Variants in SLC8A1 observed in about 807,000 individuals in gnomAD.
SLC8A1 encodes the protein solute carrier family 8 member A1.
Under a neutral mutation model 68.3 loss-of-function variants are expected in SLC8A1, and 18 were observed. The ratio of observed to expected loss-of-function variants is 0.26; its 90% CI spans 0.18 to 0.39. The LOEUF (loss-of-function observed/expected upper bound fraction) is 0.39, where lower values mean the gene tolerates loss of function less well. Ranked by LOEUF, SLC8A1 falls within the 10% of genes least tolerant of loss-of-function variation. The pLI is 1.00. For synonymous variants in SLC8A1, 475 were observed against 415.5 expected (o/e 1.14, Z -1.74); for missense variants, 985 against 1,156.7 (o/e 0.85, Z 2.15).
intron 2 of SLC8A1, among the ~76,000 whole-genome samples, chr2:40,309,235 T>C (rs185613685): frequency 2.0e-5 from 3 of 152,300 alleles, no homozygotes; most frequent in Admixed American, 6.5e-5. Context: ...TTCTAATATT[T>C]TAGGCAGGAG....
chr2:40,187,286 C>T (rs2050871419), intron 2 of SLC8A1, among the ~76,000 whole-genome samples: 1 of 152,172 alleles, frequency 6.6e-6, no homozygotes, highest in Admixed American at 6.5e-5. Context: ...GCTATGAAGC[C>T]TAGCCTGACA....
intron 1 of SLC8A1, among the ~76,000 whole-genome samples, chr2:40,504,115 C>A (rs188518214): frequency 7.4e-4 from 113 of 151,976 alleles, no homozygotes; most frequent in African/African-American, 2.6e-3. Context: ...ACACATAGAC[C>A]AATGGAACAG....
At chr2:40,354,155 C>T (rs1671985873) in intron 2 of SLC8A1, among the ~76,000 whole-genome samples, 1 of 152,170 alleles carries the variant, frequency 6.6e-6, no homozygotes, top group African/African-American at 2.4e-5. Flanking sequence ...TGCATTCTCC[C>T]TAGAAATATA....
chr2:40,278,904 T>A (rs1019366550), intron 2 of SLC8A1, among the ~76,000 whole-genome samples: 1 of 152,182 alleles, frequency 6.6e-6, no homozygotes. Context: ...TACCCTAAAA[T>A]TTTTTGACTT....
At chr2:40,471,659 T>A (rs997908298) in intron 1 of SLC8A1, among the ~76,000 whole-genome samples, 1 of 152,166 alleles carries the variant, frequency 6.6e-6, no homozygotes, top group Non-Finnish European at 1.5e-5. Flanking sequence ...ACCTCAGGCA[T>A]CTGTCTGGAA....
At chr2:40,122,198 G>T (rs1185400354) in intron 7 of SLC8A1, among the ~76,000 whole-genome samples, 1 of 70,562 alleles carries the variant, frequency 1.4e-5, no homozygotes, top group East Asian at 3.3e-4. Context: ...ACAAGTGCAT[G>T]CGCGCGCGCA....
intron 2 of SLC8A1, among the ~76,000 whole-genome samples, chr2:40,289,079 C>T (rs915626780): frequency 6.6e-6 from 1 of 151,304 alleles, no homozygotes; most frequent in South Asian, 2.1e-4. Context: ...AAATGTAATG[C>T]TAAAATACGA....
At chr2:40,451,880 T>G (rs1005564630) in intron 1 of SLC8A1, 24 bp downstream of exon 1, 1 of 152,358 alleles carries the variant, frequency 6.6e-6, no homozygotes, top group Admixed American at 6.5e-5. Flanking sequence ...AAATGCCTTC[T>G]GCCTGTCCAT....
chr2:40,218,925 G>A (rs2057905393), intron 2 of SLC8A1, among the ~76,000 whole-genome samples: 1 of 152,058 alleles, frequency 6.6e-6, no homozygotes, highest in Non-Finnish European at 1.5e-5. Context: ...AGTTACCCCT[G>A]AGTGCTTTTT....
At chr2:40,278,890 G>C (rs564043550) in intron 2 of SLC8A1, among the ~76,000 whole-genome samples, 4 of 152,152 alleles carry the variant, frequency 2.6e-5, no homozygotes, top group Admixed American at 6.5e-5. Context: ...ATTTGGTAAT[G>C]ATTTACCCTA....
intron 6 of SLC8A1, among the ~76,000 whole-genome samples, chr2:40,152,374 C>T (rs1383979848): frequency 6.6e-6 from 1 of 152,066 alleles, no homozygotes; most frequent in Non-Finnish European, 1.5e-5. Flanking sequence ...GGCAGAAGAA[C>T]AGGCGTGAGA....
At chr2:40,209,895 G>A (rs1574091900) in intron 2 of SLC8A1, 1 of 152,282 alleles carries the variant, frequency 6.6e-6, no homozygotes. Flanking sequence ...AGAGGAAATG[G>A]ACTAGGGAAA....
intron 2 of SLC8A1, among the ~76,000 whole-genome samples, chr2:40,380,334 T>C (rs936052289): frequency 6.6e-6 from 1 of 152,168 alleles, no homozygotes; most frequent in Non-Finnish European, 1.5e-5. Context: ...GGAAGAATAA[T>C]AAATCAATCC....
intron 1 of SLC8A1, among the ~76,000 whole-genome samples, chr2:40,439,469 G>A (rs1241592925): frequency 6.6e-6 from 1 of 152,118 alleles, no homozygotes; most frequent in African/African-American, 2.4e-5. Flanking sequence ...ACTCAAGAAC[G>A]AATCCCTGTG....
chr2:40,273,039 T>C (rs754064868), intron 2 of SLC8A1, among the ~76,000 whole-genome samples: 1 of 152,134 alleles, frequency 6.6e-6, no homozygotes, highest in Non-Finnish European at 1.5e-5. Flanking sequence ...ACCTCCCAGG[T>C]TCAAGTGATT....
At chr2:40,234,397 G>A (rs543179064) in intron 2 of SLC8A1, among the ~76,000 whole-genome samples, 1 of 152,122 alleles carries the variant, frequency 6.6e-6, no homozygotes, top group Non-Finnish European at 1.5e-5. Flanking sequence ...TTGGCTCTCT[G>A]TTTGTCTGTT....
chr2:40,320,620 T>C (rs1045255669), intron 2 of SLC8A1, among the ~76,000 whole-genome samples: 1 of 152,194 alleles, frequency 6.6e-6, no homozygotes, highest in Non-Finnish European at 1.5e-5. Context: ...TTGTTTTGAA[T>C]TCACTTTGAT....
At chr2:40,147,670 T>C (rs1051995407) in intron 6 of SLC8A1, among the ~76,000 whole-genome samples, 1 of 152,192 alleles carries the variant, frequency 6.6e-6, no homozygotes, top group Non-Finnish European at 1.5e-5. Context: ...TGGGCAGTGA[T>C]AACCCTATAA....
chr2:40,441,210 T>C (rs1700416790), intron 1 of SLC8A1, among the ~76,000 whole-genome samples: 1 of 151,912 alleles, frequency 6.6e-6, no homozygotes, highest in South Asian at 2.1e-4. Flanking sequence ...TTTGGGAACA[T>C]AGCTTACAAG....
Sources: allele counts gnomAD v4.1 joint callset (sites outside exome capture counted in the v4.1 genomes callset), GRCh38; gene constraint gnomAD v4.1.1; transcripts MANE v1.5; gene names NCBI Gene and HGNC (gene_info 2026-07-23, HGNC 2026-07-21).